SLC30A7: variants seen among roughly 807,000 people sequenced by gnomAD.
The protein encoded by SLC30A7 is zinc transporter 7.
Under a neutral mutation model 46.0 loss-of-function variants are expected in SLC30A7, and 35 were observed. That is an observed-to-expected ratio of 0.76 (90% CI 0.58 to 1.01). SLC30A7 has a LOEUF of 1.01. Among genes scored for constraint, SLC30A7 ranks in the 50% least tolerant of loss-of-function variants. The pLI is 0.00. For synonymous variants in SLC30A7, 147 were observed against 157.8 expected (o/e 0.93, Z 0.51); for missense variants, 464 against 451.1 (o/e 1.03, Z -0.26).
intron 10 of SLC30A7, among the ~76,000 whole-genome samples, chr1:100,967,228 G>T (rs1030175218): frequency 9.9e-5 from 15 of 152,174 alleles, no homozygotes; most frequent in Non-Finnish European, 1.2e-4. Flanking sequence ...CAACCATTTT[G>T]GCACCAGGGA....
chr1:100,963,019 C>T (rs2101087211), intron 9 of SLC30A7, among the ~76,000 whole-genome samples: 1 of 152,098 alleles, frequency 6.6e-6, no homozygotes, highest in East Asian at 1.9e-4. Flanking sequence ...GGAAAATCTC[C>T]CCAAATGAAG....
chr1:100,967,872 A>C lies in SLC30A7; in HGVS notation c.1083+1954A>C, dbSNP rs192728637. On this transcript the variant is annotated intron_variant, in intron 10 of 10. Transcript: ENST00000357650. The stretch of plus-strand genomic sequence containing the variant: ...AAGGAAAGTATTGGATAATCAAAGA[A>C]ATTTGATTATGGACTGTAGTAGTTC... Among the ~76,000 whole-genome samples, 414 of 152,318 alleles carry C rather than the reference A, an allele frequency of 2.7e-3. 2 individuals are homozygous for C. Among genetic ancestry groups the C allele is most frequent in the Non-Finnish European group, 4.7e-3 (322 of 68,024 alleles).
chr1:100,921,241 T>G (rs777293123), intron 7 of SLC30A7, among the ~76,000 whole-genome samples: 3 of 152,144 alleles, frequency 2.0e-5, no homozygotes, highest in Non-Finnish European at 4.4e-5. Context: ...AATTATGGTT[T>G]ATGGGAAATT....
At chr1:100,897,020 C>T (rs1651013305) in intron 2 of SLC30A7, among the ~76,000 whole-genome samples, 1 of 151,738 alleles carries the variant, frequency 6.6e-6, no homozygotes, top group African/African-American at 2.4e-5. Context: ...TGTTTGCTGC[C>T]TCTCTCGGGG....
chr1:100,983,375 C>CAAAAAAAAAAAAAAAAAAAA (rs779529890), downstream of SLC30A7, among the ~76,000 whole-genome samples: 2 of 76,452 alleles, frequency 2.6e-5, no homozygotes, highest in Non-Finnish European at 5.3e-5. Context: ...TACTTTGAGG[C>CAAAAAAAAAAAAAAAAAAAA]AAAAAAAAAA....
chr1:100,990,982 C>A, the SLC30A7 span, among the ~76,000 whole-genome samples: 1 of 152,148 alleles, frequency 6.6e-6, no homozygotes. Context: ...TAATAACTTG[C>A]TTGAGATAAT....
chr1:100,938,428 C>T lies in SLC30A7; in HGVS notation c.842+16587C>T, dbSNP rs535141359. On this transcript the variant is annotated intron_variant, in intron 8 of 10. Transcript: ENST00000357650. ...AGCATTTCTAACATCTATCACACTT[C>T]GTTAAACTTACTTGTTTCTTTTTAC... is the stretch of plus-strand genomic sequence containing the variant. Among the ~76,000 whole-genome samples the T allele has an allele frequency of 2.6e-4, 40 of 152,300 alleles. 1 individual carries two copies. In the South Asian group the frequency reaches 7.9e-3, roughly 30 times the overall value.
chr1:100,937,093 A>T (rs1295609340), intron 8 of SLC30A7, among the ~76,000 whole-genome samples: 1 of 152,140 alleles, frequency 6.6e-6, no homozygotes, highest in Admixed American at 6.5e-5. Flanking sequence ...AGCATTTTAC[A>T]TGTTCTTATT....
chr1:100,925,312 G>A (rs1018911799), intron 8 of SLC30A7, among the ~76,000 whole-genome samples: 3 of 152,334 alleles, frequency 2.0e-5, no homozygotes, highest in Non-Finnish European at 4.4e-5. Context: ...AATAGGCTGG[G>A]GAAGACTACC....
intron 2 of SLC30A7, among the ~76,000 whole-genome samples, chr1:100,906,442 G>GA (rs1451701881): frequency 6.6e-6 from 1 of 152,124 alleles, no homozygotes; most frequent in African/African-American, 2.4e-5. Flanking sequence ...CAAAAGGGTG[G>GA]AGCAGGATAC....
rs773754999 is a variant in SLC30A7 at position 100,980,036 on chromosome 1, A to T, written c.*5179A>T. On this transcript the variant is annotated 3_prime_UTR_variant, in exon 11 of 11. Transcript: ENST00000357650. ...TGATTATTTCCTACCTTTACCATTG[A>T]TCTTAAACTGTGCAGGCTAAAAAGA... 3.3e-5 allele frequency: 5 copies of T among 152,076 alleles called. No homozygotes were observed. Among genetic ancestry groups the T allele is most frequent in the Non-Finnish European group, 5.9e-5 (4 of 67,960 alleles). The allele number at this position is 152,076 out of a possible 1,614,324, so 9.4% of individuals were successfully genotyped here.
intron 8 of SLC30A7, among the ~76,000 whole-genome samples, chr1:100,960,887 A>G (rs1435844250): frequency 6.6e-6 from 1 of 151,584 alleles, no homozygotes. Context: ...GATATGTGCT[A>G]GATTAGAAAG....
In SLC30A7 at chr1:100,896,180, G is replaced by T; in HGVS notation, c.-83G>T. 2 of 1,225,436 alleles carry T rather than the reference G, an allele frequency of 1.6e-6. No homozygotes were observed. Among genetic ancestry groups the T allele is most frequent in the South Asian group, 2.4e-5 (2 of 82,266 alleles). 75.9% of individuals were successfully genotyped at this position (1,225,436 alleles called of 1,614,324 possible). Reference sequence around the variant, plus strand: ...GGACAAGCGCTGGGGATTCCCGTTTGAGGCGTCACTACTGTCACTGCCATC... The same window carrying T: ...GGACAAGCGCTGGGGATTCCCGTTTTAGGCGTCACTACTGTCACTGCCATC... On this transcript the variant is annotated 5_prime_UTR_variant, in exon 1 of 11. Transcript: ENST00000357650.
intron 9 of SLC30A7, among the ~76,000 whole-genome samples, chr1:100,964,473 T>C (rs1193710995): frequency 6.6e-6 from 1 of 151,738 alleles, no homozygotes; most frequent in Non-Finnish European, 1.5e-5. Flanking sequence ...TCGTCTTCCT[T>C]TCCCTAGGTA....
intron 10 of SLC30A7, among the ~76,000 whole-genome samples, chr1:100,968,242 C>T (rs1655965923): frequency 6.6e-6 from 1 of 152,096 alleles, no homozygotes; most frequent in African/African-American, 2.4e-5. Flanking sequence ...AGGCAGATCA[C>T]CTGAGGTCAG....
chr1:100,921,556 G>A (rs1261899588), intron 7 of SLC30A7, 150 bp from the exon 8 acceptor site: 4 of 527,306 alleles, frequency 7.6e-6, no homozygotes, highest in Non-Finnish European at 9.6e-6. Flanking sequence ...ACTATTACAT[G>A]GTTACTAAAT....
chr1:100,929,162 A>T (rs1172741906), intron 8 of SLC30A7, among the ~76,000 whole-genome samples: 1 of 152,002 alleles, frequency 6.6e-6, no homozygotes, highest in Non-Finnish European at 1.5e-5. Context: ...TATATAGAGA[A>T]TATATTTCCC....
intron 8 of SLC30A7, among the ~76,000 whole-genome samples, chr1:100,923,250 T>C (rs1311670965): frequency 6.7e-6 from 1 of 148,462 alleles, no homozygotes; most frequent in Non-Finnish European, 1.5e-5. Flanking sequence ...TCTCCTGACC[T>C]CGTGATCCGC....
intron 8 of SLC30A7, among the ~76,000 whole-genome samples, chr1:100,946,085 TTGTC>T (rs1458278852): frequency 1.5e-4 from 23 of 152,358 alleles, no homozygotes; most frequent in Non-Finnish European, 2.1e-4. Flanking sequence ...GGCTCTCTCT[TTGTC>T]TGTTATCGGT....
Sources: allele counts gnomAD v4.1 joint callset (sites outside exome capture counted in the v4.1 genomes callset), GRCh38; gene constraint gnomAD v4.1.1; transcripts MANE v1.5; gene names NCBI Gene and HGNC (gene_info 2026-07-23, HGNC 2026-07-21).